The following GRK5 variants were observed in gnomAD, a reference collection of about 807,000 sequenced individuals.
The protein encoded by GRK5 is G protein-coupled receptor kinase 5, also known as g protein-coupled receptor kinase GRK5.
In GRK5, 40 loss-of-function variants were observed where a neutral mutation model predicts 78.4. The ratio of observed to expected loss-of-function variants is 0.51; its 90% CI spans 0.40 to 0.66. GRK5 has a LOEUF of 0.66. GRK5 is among the 30% of genes least tolerant of loss of function. The pLI is 0.00. For synonymous variants in GRK5, 289 were observed against 296.8 expected (o/e 0.97, Z 0.27); for missense variants, 598 against 759.9 (o/e 0.79, Z 2.50).
intron 2 of GRK5, among the ~76,000 whole-genome samples, chr10:119,362,777 G>A (rs957090388): frequency 6.6e-6 from 1 of 152,236 alleles, no homozygotes. Flanking sequence ...CTGAAGATCA[G>A]GTGGGTACAT....
chr10:119,362,599 A>G (rs1194242056), intron 2 of GRK5, among the ~76,000 whole-genome samples: 1 of 152,250 alleles, frequency 6.6e-6, no homozygotes, highest in Non-Finnish European at 1.5e-5. Context: ...AGTGTCTCAC[A>G]GGGAAGAAGA....
intron 2 of GRK5, among the ~76,000 whole-genome samples, chr10:119,352,899 A>G (rs1172753183): frequency 6.6e-6 from 1 of 152,198 alleles, no homozygotes; most frequent in Non-Finnish European, 1.5e-5. Context: ...GCTTACGGGC[A>G]AGAGTAGGAC....
intron 2 of GRK5, among the ~76,000 whole-genome samples, chr10:119,340,555 C>T (rs1203592138): frequency 3.3e-5 from 5 of 152,208 alleles, no homozygotes; most frequent in African/African-American, 9.7e-5. Context: ...ACTGTTAACA[C>T]TTTGGTCTGT....
chr10:119,333,012 A>G (rs567425360), intron 2 of GRK5, among the ~76,000 whole-genome samples: 11 of 152,246 alleles, frequency 7.2e-5, no homozygotes, highest in African/African-American at 2.4e-4. Context: ...TCTGTCTCCC[A>G]CACTGTACTA....
At chr10:119,407,348 G>C (rs1181753908) in intron 4 of GRK5, among the ~76,000 whole-genome samples, 1 of 152,204 alleles carries the variant, frequency 6.6e-6, no homozygotes, top group Non-Finnish European at 1.5e-5. Context: ...AACAAGGAGA[G>C]GAGGCCTCAA....
At chr10:119,327,139 A>C (rs1850693322) in intron 2 of GRK5, among the ~76,000 whole-genome samples, 2 of 152,040 alleles carry the variant, frequency 1.3e-5, no homozygotes, top group Non-Finnish European at 2.9e-5. Flanking sequence ...TCCCCTTTCC[A>C]CTTGCTGGGG....
At chr10:119,318,060 C>T (rs1315620556) in intron 1 of GRK5, among the ~76,000 whole-genome samples, 3 of 152,098 alleles carry the variant, frequency 2.0e-5, no homozygotes, top group South Asian at 2.1e-4. Context: ...CAAGGACCAC[C>T]GAGAACCACT....
At chr10:119,273,976 G>A (rs892401308) in intron 1 of GRK5, among the ~76,000 whole-genome samples, 1 of 152,194 alleles carries the variant, frequency 6.6e-6, no homozygotes, top group Non-Finnish European at 1.5e-5. Context: ...GTTTCACCAT[G>A]TTGGCCAGGC....
At chr10:119,323,989 A>G (rs1850631633) in intron 1 of GRK5, among the ~76,000 whole-genome samples, 2 of 152,168 alleles carry the variant, frequency 1.3e-5, no homozygotes, top group African/African-American at 4.8e-5. Context: ...CAAGCCACCT[A>G]AGGGTCACAC....
In GRK5 at chr10:119,425,203, G is replaced by A. The variant is rs145740099; in HGVS notation, c.533+118G>A. Reference sequence around the variant, plus strand: ...CTCATGGTTAAAACAAAATTAACCCGACTCCCCCTGTTAATTAAGTTGTGT... The same window carrying A: ...CTCATGGTTAAAACAAAATTAACCCAACTCCCCCTGTTAATTAAGTTGTGT... On this transcript the variant is annotated intron_variant, in intron 6 of 15. Transcript: ENST00000392870. 7.3e-4 allele frequency: 500 copies of A among 687,446 alleles called. 2 individuals carry two copies. The African/African-American group carries it at 7.8e-3, about 11-fold the overall frequency. 42.6% of individuals were successfully genotyped at this position (687,446 alleles called of 1,614,324 possible). A position where few individuals can be genotyped will look rare whatever the true frequency, so the allele number is the denominator to read the frequency against.
rs555079523 is a variant in GRK5 at position 119,336,756 on chromosome 10, T to C, written c.148+10145T>C. On this transcript the variant is annotated intron_variant, in intron 2 of 15. Transcript: ENST00000392870. This position sits in a 1 kb window ranked among gnomAD's most constrained non-coding sequence, Gnocchi z 4.5. The stretch of plus-strand genomic sequence containing the variant: ...TCCTTGGGGTGATAAGGGCGCGTCA[T>C]GTCTGTCGTTCTGCCACCTAGCCGT... Among the ~76,000 whole-genome samples the C allele has an allele frequency of 6.6e-6, 1 of 152,328 alleles. No individual in the cohort carries two copies. The highest frequency in any genetic ancestry group is 1.5e-5 in the Non-Finnish European group (1 of 68,020).
At chr10:119,313,184 G>GATGATGGTGGTGGTGATGGTA in intron 1 of GRK5, among the ~76,000 whole-genome samples, 1 of 122,896 alleles carries the variant, frequency 8.1e-6, no homozygotes, top group East Asian at 2.6e-4. Context: ...TGGTGATGGT[G>GATGATGGTGGTGGTGATGGTA]ATGATGATGG....
intron 1 of GRK5, among the ~76,000 whole-genome samples, chr10:119,221,332 C>G (rs945850394): frequency 2.2e-4 from 34 of 152,192 alleles, no homozygotes; most frequent in African/African-American, 7.5e-4. Context: ...CAAAATGGGT[C>G]CCAGTGTACA....
At chr10:119,272,987 C>A (rs549076868) in intron 1 of GRK5, among the ~76,000 whole-genome samples, 158 of 152,350 alleles carry the variant, frequency 1.0e-3, no homozygotes, top group African/African-American at 3.6e-3. Context: ...CAGTCCCTCT[C>A]TGACGCCTTC....
intron 1 of GRK5, among the ~76,000 whole-genome samples, chr10:119,295,514 A>G (rs1223686235): frequency 6.6e-6 from 1 of 152,206 alleles, no homozygotes; most frequent in Non-Finnish European, 1.5e-5. Context: ...AGATAGTTGC[A>G]CACGCATATT....
intron 4 of GRK5, among the ~76,000 whole-genome samples, chr10:119,416,952 A>G (rs1852468584): frequency 1.3e-5 from 2 of 151,990 alleles, no homozygotes; most frequent in African/African-American, 4.8e-5. Flanking sequence ...CTCTGGTCTG[A>G]GATTATAGTC....
At chr10:119,403,131 TA>T (rs1852177861) in intron 4 of GRK5, among the ~76,000 whole-genome samples, 1 of 152,130 alleles carries the variant, frequency 6.6e-6, no homozygotes, top group African/African-American at 2.4e-5. Flanking sequence ...ACATTTCATA[TA>T]AATGGAATAT....
At chr10:119,272,692 G>A (rs1348257280) in intron 1 of GRK5, among the ~76,000 whole-genome samples, 2 of 152,116 alleles carry the variant, frequency 1.3e-5, no homozygotes, top group Admixed American at 6.5e-5. Context: ...GAGCTTGGGC[G>A]GGGCCTAGCA....
chr10:119,220,233 C>T (rs1301292263), intron 1 of GRK5, among the ~76,000 whole-genome samples: 3 of 152,198 alleles, frequency 2.0e-5, no homozygotes, highest in Non-Finnish European at 4.4e-5. Flanking sequence ...TTTTGCCGCA[C>T]ACTTATTCTC....
Sources: allele counts gnomAD v4.1 joint callset (sites outside exome capture counted in the v4.1 genomes callset), GRCh38; gene constraint gnomAD v4.1.1; non-coding constraint Gnocchi (gnomAD v3.1); transcripts MANE v1.5; gene names NCBI Gene and HGNC (gene_info 2026-07-23, HGNC 2026-07-21).